The following ADAMTS17 variants were observed in gnomAD, a reference collection of about 807,000 sequenced individuals.
ADAMTS17 encodes ADAM metallopeptidase with thrombospondin type 1 motif 17, also known as A disintegrin and metalloproteinase with thrombospondin motifs 17.
A neutral mutation model predicts 141.5 loss-of-function variants in ADAMTS17; 113 were observed. That is an observed-to-expected ratio of 0.80 (90% CI 0.69 to 0.93). The LOEUF (loss-of-function observed/expected upper bound fraction) is 0.93. ADAMTS17 is among the 40% of genes least tolerant of loss of function. The pLI is 0.00. For missense variants in ADAMTS17, 1,659 were observed against 1,517.9 expected (o/e 1.09, Z -1.54); for synonymous variants, 768 against 630.6 (o/e 1.22, Z -3.27).
chr15:100,078,447 G>A (rs774613283), intron 15 of ADAMTS17, among the ~76,000 whole-genome samples: 1 of 152,022 alleles, frequency 6.6e-6, no homozygotes, highest in Non-Finnish European at 1.5e-5. Flanking sequence ...TTAAACAAAG[G>A]TGCCAAGAAT....
At chr15:100,314,744 A>G (rs1232172055) in intron 3 of ADAMTS17, among the ~76,000 whole-genome samples, 4 of 152,204 alleles carry the variant, frequency 2.6e-5, no homozygotes, top group African/African-American at 9.6e-5. Flanking sequence ...TTGGTTCAGA[A>G]ACACCAAGTT....
At chr15:100,168,675 C>G (rs2040043764) in intron 8 of ADAMTS17, 1 of 152,256 alleles carries the variant, frequency 6.6e-6, no homozygotes, top group South Asian at 2.1e-4. Flanking sequence ...TACAGCCACT[C>G]CAAGTCTTCA....
intron 2 of ADAMTS17, chr15:100,339,191 G>C: frequency 1.0e-6 from 1 of 976,722 alleles, no homozygotes; most frequent in Non-Finnish European, 1.2e-6. Flanking sequence ...TGGTGCTAAA[G>C]GGAAGGACAG....
intron 4 of ADAMTS17, among the ~76,000 whole-genome samples, chr15:100,272,467 T>C (rs1358948831): frequency 6.6e-6 from 1 of 151,526 alleles, no homozygotes; most frequent in African/African-American, 2.4e-5. Flanking sequence ...GACAGAACTG[T>C]TTTCTTAATT....
At chr15:100,068,753 T>C (rs868830014) in intron 15 of ADAMTS17, among the ~76,000 whole-genome samples, 5 of 152,250 alleles carry the variant, frequency 3.3e-5, no homozygotes, top group African/African-American at 9.6e-5. Context: ...CCCATCTGTA[T>C]GTCACCATCA....
chr15:100,285,293 C>T (rs755861634), intron 3 of ADAMTS17, among the ~76,000 whole-genome samples: 11 of 152,172 alleles, frequency 7.2e-5, no homozygotes, highest in South Asian at 2.1e-4. Context: ...TTACTCTAGA[C>T]GTTTGGGGAC....
chr15:100,099,069 C>T (rs35418412), intron 14 of ADAMTS17, among the ~76,000 whole-genome samples: 39,462 of 152,194 alleles, frequency 0.26, 5,596 homozygotes, highest in East Asian at 0.38. Context: ...CTTCTAGATG[C>T]CCCATTTGGT....
chr15:100,185,217 T>C (rs974630176), intron 8 of ADAMTS17, among the ~76,000 whole-genome samples: 5 of 152,200 alleles, frequency 3.3e-5, no homozygotes, highest in African/African-American at 1.2e-4. Context: ...TCAGTTTCCC[T>C]ACCTGTAGAA....
chr15:100,043,727 T>C (rs2031453145), intron 18 of ADAMTS17, among the ~76,000 whole-genome samples: 1 of 152,270 alleles, frequency 6.6e-6, no homozygotes, highest in Non-Finnish European at 1.5e-5. Context: ...AAATATTTAT[T>C]CTCTAGACCT....
At chr15:100,104,373 G>A (rs1160091343) in intron 14 of ADAMTS17, among the ~76,000 whole-genome samples, 6 of 152,286 alleles carry the variant, frequency 3.9e-5, no homozygotes, top group African/African-American at 1.2e-4. Context: ...ATTTCAGCAT[G>A]TTAAATAATT....
intron 3 of ADAMTS17, among the ~76,000 whole-genome samples, chr15:100,289,780 A>T (rs117044531): frequency 6.6e-6 from 1 of 152,318 alleles, no homozygotes; most frequent in East Asian, 1.9e-4. Context: ...AATCATCTCA[A>T]TAGATGCAGA....
At chr15:100,335,182 C>G (rs1464383082) in intron 2 of ADAMTS17, among the ~76,000 whole-genome samples, 1 of 152,158 alleles carries the variant, frequency 6.6e-6, no homozygotes, top group African/African-American at 2.4e-5. Flanking sequence ...AACGGGCCCT[C>G]CAGGGGACTG....
chr15:100,318,587 T>C (rs1488120055), intron 3 of ADAMTS17, among the ~76,000 whole-genome samples: 1 of 152,232 alleles, frequency 6.6e-6, no homozygotes, highest in African/African-American at 2.4e-5. Context: ...ACTGTAGAAC[T>C]GTAAGAAATA....
chr15:100,150,760 CAG>C (rs2039123503), intron 10 of ADAMTS17, among the ~76,000 whole-genome samples: 1 of 152,170 alleles, frequency 6.6e-6, no homozygotes, highest in South Asian at 2.1e-4. Flanking sequence ...CCACAGTGGG[CAG>C]AGTGACCACT....
intron 7 of ADAMTS17, among the ~76,000 whole-genome samples, chr15:100,207,311 T>G (rs1463883502): frequency 6.6e-6 from 1 of 152,148 alleles, no homozygotes; most frequent in Non-Finnish European, 1.5e-5. Context: ...CCCAAACCAG[T>G]CCTACTGGCA....
At chr15:100,102,934 G>T (rs1395144817) in intron 14 of ADAMTS17, among the ~76,000 whole-genome samples, 1 of 152,152 alleles carries the variant, frequency 6.6e-6, no homozygotes. Flanking sequence ...ACAGCTCTCG[G>T]TTTGGGCTGT....
intron 6 of ADAMTS17, among the ~76,000 whole-genome samples, chr15:100,255,909 C>T (rs2043311580): frequency 6.6e-6 from 1 of 152,166 alleles, no homozygotes; most frequent in South Asian, 2.1e-4. Context: ...CCCCGAGGTA[C>T]CACCCACTGC....
rs1430741808 is a variant in ADAMTS17 at position 99,972,831 on chromosome 15, T to G, written c.*1571A>C. On this transcript the variant is annotated 3_prime_UTR_variant, in exon 22 of 22. Coordinates refer to ENST00000268070, the MANE Select transcript of ADAMTS17 (RefSeq NM_139057.4). ...GACAGGGTGGAGAAGGCAGAGAGGC[T>G]TCTTTCTGATTTAAGCTAACTCTAC... 6.6e-6 allele frequency: 1 copy of G among 152,164 alleles called. No individual in the cohort carries two copies. The highest frequency in any genetic ancestry group is 6.5e-5 in the Admixed American group (1 of 15,274). 9.4% of individuals were successfully genotyped at this position (152,164 alleles called of 1,614,324 possible). A position where few individuals can be genotyped will look rare whatever the true frequency, so the allele number is the denominator to read the frequency against.
chr15:100,182,551 A>C (rs2040562477), intron 8 of ADAMTS17, among the ~76,000 whole-genome samples: 1 of 152,170 alleles, frequency 6.6e-6, no homozygotes, highest in Admixed American at 6.5e-5. Context: ...GTGGGGGAAG[A>C]GGTTGCACTG....
Sources: allele counts gnomAD v4.1 joint callset (sites outside exome capture counted in the v4.1 genomes callset), GRCh38; gene constraint gnomAD v4.1.1; transcripts MANE v1.5; gene names NCBI Gene and HGNC (gene_info 2026-07-23, HGNC 2026-07-21).